Variants in JARID2 observed in about 807,000 individuals in gnomAD.
The protein encoded by JARID2 is protein Jumonji.
A neutral mutation model predicts 125.6 loss-of-function variants in JARID2; 21 were observed. That is an observed-to-expected ratio of 0.17 (90% confidence interval 0.12 to 0.24). The LOEUF is 0.24. JARID2 is among the 10% of genes least tolerant of loss of function. The pLI, the probability that JARID2 is intolerant of heterozygous loss-of-function variation, is 1.00. For synonymous variants in JARID2, 736 were observed against 661.6 expected, an observed-to-expected ratio of 1.11 and a Z score of -1.73; for missense variants, 1,303 against 1,639.6, an observed-to-expected ratio of 0.79 and a Z score of 3.55.
chr6:15,478,257 A>T (rs1016456436), intron 5 of JARID2, among the ~76,000 whole-genome samples: 1 of 152,128 alleles, frequency 6.6e-6, no homozygotes, highest in Non-Finnish European at 1.5e-5. Context: ...TGTCAGGGCT[A>T]AAAAGATTAT....
chr6:15,376,275 TTGCTGTGAATA>T (rs1561821941), intron 2 of JARID2, among the ~76,000 whole-genome samples: 1 of 152,236 alleles, frequency 6.6e-6, no homozygotes, highest in African/African-American at 2.4e-5. Context: ...GGTTGTGAAA[TTGCTGTGAATA>T]TGCCATTTTC....
intron 1 of JARID2, among the ~76,000 whole-genome samples, chr6:15,346,695 G>C (rs1763255151): frequency 6.6e-6 from 1 of 151,576 alleles, no homozygotes; most frequent in African/African-American, 2.4e-5. Context: ...TGCTTGTAGT[G>C]ACCAGCTTGT....
chr6:15,382,842 C>A (rs1444306495), intron 2 of JARID2, among the ~76,000 whole-genome samples: 7 of 152,232 alleles, frequency 4.6e-5, no homozygotes, highest in African/African-American at 7.2e-5. Flanking sequence ...ACACCCACTG[C>A]CCCTCTCTTT....
intron 3 of JARID2, among the ~76,000 whole-genome samples, chr6:15,417,697 G>A (rs557782779): frequency 3.3e-5 from 5 of 152,146 alleles, no homozygotes; most frequent in South Asian, 4.1e-4. Flanking sequence ...AGCTGTGATC[G>A]TGCCATCACA....
chr6:15,374,068 T>C, intron 1 of JARID2, 49 bp from the exon 2 acceptor site: 2 of 1,594,352 alleles, frequency 1.3e-6, no homozygotes, highest in Non-Finnish European at 8.6e-7. Context: ...CTCTGAATAT[T>C]GCCTTGCTTT....
At chr6:15,409,952 C>CG (rs941779649) in intron 2 of JARID2, among the ~76,000 whole-genome samples, 1 of 152,174 alleles carries the variant, frequency 6.6e-6, no homozygotes, top group Non-Finnish European at 1.5e-5. Context: ...TCTTTAAAAA[C>CG]GAATCCTGAA....
chr6:15,292,072 A>G (rs745626416), intron 1 of JARID2, among the ~76,000 whole-genome samples: 4 of 152,046 alleles, frequency 2.6e-5, no homozygotes, highest in Non-Finnish European at 4.4e-5. Context: ...GCTGGAATGC[A>G]GTGGCGCCAT....
At chr6:15,255,680 G>A (rs62397311) in intron 1 of JARID2, among the ~76,000 whole-genome samples, 1 of 152,182 alleles carries the variant, frequency 6.6e-6, no homozygotes, top group Non-Finnish European at 1.5e-5. Flanking sequence ...AGTGTTTGGT[G>A]CCTGTGGGGG....
rs201642044 is a variant in JARID2 at position 15,462,176 on chromosome 6, C to CA, written c.494-6365dup. Among the ~76,000 whole-genome samples, 928 of 152,284 alleles carry CA rather than the reference C, an allele frequency of 6.1e-3. 4 individuals carry two copies. The highest frequency in any genetic ancestry group is 9.8e-3 in the Non-Finnish European group (668 of 68,018). On this transcript the variant is annotated intron_variant, in intron 4 of 17. Coordinates refer to ENST00000341776, the MANE Select transcript of JARID2 (RefSeq NM_004973.4). Reference sequence around the variant, plus strand: ...AATTATTTAAGACATGAATGCAAGTCACCTTACAGATAATAATAGCACATG... The same window carrying CA: ...AATTATTTAAGACATGAATGCAAGTCAACCTTACAGATAATAATAGCACATG...
Position 15,417,802 on chromosome 6 carries a change from G to C in JARID2, c.323+7437G>C, listed in dbSNP as rs182999000. On this transcript the variant is annotated intron_variant, in intron 3 of 17. Transcript: ENST00000341776. The stretch of plus-strand genomic sequence containing the variant: ...AATTCTCATGTATAAATGGTACTCT[G>C]TATGTTAGATGTTAGTAGCCATTGT... 6.1e-3 allele frequency among the ~76,000 whole-genome samples: 928 copies of C among 152,296 alleles called. 15 individuals carry two copies. Among genetic ancestry groups the C allele is most frequent in the African/African-American group, 0.02 (851 of 41,550 alleles).
intron 3 of JARID2, among the ~76,000 whole-genome samples, chr6:15,425,472 C>T (rs1002441194): frequency 2.0e-5 from 3 of 152,154 alleles, no homozygotes; most frequent in African/African-American, 7.2e-5. Flanking sequence ...GTGTTAGAAA[C>T]TTGTTCCCCA....
At chr6:15,402,682 G>C (rs1765484892) in intron 2 of JARID2, among the ~76,000 whole-genome samples, 1 of 152,204 alleles carries the variant, frequency 6.6e-6, no homozygotes, top group South Asian at 2.1e-4. Flanking sequence ...GTCGCCTTGA[G>C]TCAGTTTTCT....
intron 1 of JARID2, among the ~76,000 whole-genome samples, chr6:15,247,044 TC>T (rs1156592915): frequency 6.6e-6 from 1 of 152,246 alleles, no homozygotes; most frequent in African/African-American, 2.4e-5. Context: ...ATTATGGCGA[TC>T]TTCTCTTTGC....
chr6:15,418,945 C>G (rs970129732), intron 3 of JARID2, among the ~76,000 whole-genome samples: 1 of 152,012 alleles, frequency 6.6e-6, no homozygotes, highest in Non-Finnish European at 1.5e-5. Context: ...TTATTTACTT[C>G]GAGTTTGAAA....
At chr6:15,501,523 G>GA (rs1554145845) in intron 8 of JARID2, 114 bp downstream of exon 8, 21 of 941,292 alleles carry the variant, frequency 2.2e-5, no homozygotes, top group African/African-American at 8.3e-5. Context: ...CTGGGGTGAT[G>GA]AGGGGGCGGG....
At chr6:15,481,514 A>C (rs1044107364) in intron 5 of JARID2, among the ~76,000 whole-genome samples, 6 of 152,206 alleles carry the variant, frequency 3.9e-5, no homozygotes, top group Non-Finnish European at 8.8e-5. Flanking sequence ...AAATTAAGAC[A>C]AAAGATAATT....
intron 3 of JARID2, among the ~76,000 whole-genome samples, chr6:15,434,031 C>G (rs1338185755): frequency 6.6e-6 from 1 of 151,250 alleles, no homozygotes; most frequent in African/African-American, 2.4e-5. Context: ...TCCCTGGTTT[C>G]ACATGTTTCA....
chr6:15,432,645 C>G (rs918672479), intron 3 of JARID2, among the ~76,000 whole-genome samples: 7 of 152,142 alleles, frequency 4.6e-5, no homozygotes, highest in South Asian at 4.1e-4. Context: ...CCTGCCATAG[C>G]TGGAAAGTTT....
chr6:15,393,643 G>T (rs1472930684), intron 2 of JARID2, among the ~76,000 whole-genome samples: 2 of 152,160 alleles, frequency 1.3e-5, no homozygotes, highest in African/African-American at 4.8e-5. Flanking sequence ...CAGCACTTGG[G>T]TTATTTCTGG....
Sources: allele counts gnomAD v4.1 joint callset (sites outside exome capture counted in the v4.1 genomes callset), GRCh38; gene constraint gnomAD v4.1.1; transcripts MANE v1.5; gene names NCBI Gene and HGNC (gene_info 2026-07-23, HGNC 2026-07-21).